Variants in SHPRH observed in about 807,000 individuals in gnomAD.
SHPRH encodes the protein SNF2 histone linker PHD RING helicase.
SHPRH carries 106 observed loss-of-function variants against 202.5 expected under a neutral mutation model. That is an observed-to-expected ratio of 0.52 (90% CI 0.45 to 0.62). The LOEUF (loss-of-function observed/expected upper bound fraction) is 0.62, where lower values mean the gene tolerates loss of function less well. Ranked by LOEUF, SHPRH falls within the 20% of genes least tolerant of loss-of-function variation. The probability of loss-of-function intolerance (pLI) is 0.00; values close to 1 mark genes in which losing one functional copy is unlikely to be tolerated. For missense variants in SHPRH, 1,710 were observed against 2,020.0 expected, an observed-to-expected ratio of 0.85 and a Z score of 2.94; for synonymous variants, 729 against 686.0, an observed-to-expected ratio of 1.06 and a Z score of -0.98.
rs1480551008 is a variant in SHPRH, at chr6:145,943,422, G to T, written c.1959C>A (p.Asn653Lys). The change falls in exon 9 of 30, where the codon AAC (asparagine) becomes AAA (lysine). Residue 653 changes from asparagine to lysine, a missense_variant. Coordinates refer to ENST00000275233, the MANE Select transcript of SHPRH (RefSeq NM_001042683.3). ...TACACTCAAAGCGGTAATCAGAGGT[G>T]TTAAAGGGACTCATGGTATTAGAAG... ...VPPSNTMSPF[N>K]TSDYRFECIC... 6.2e-7 allele frequency: 1 copy of T among 1,614,038 alleles called. No homozygotes were observed. The highest frequency in any genetic ancestry group is 1.1e-5 in the South Asian group (1 of 91,086).
intron 14 of SHPRH, among the ~76,000 whole-genome samples, chr6:145,928,614 T>A (rs1199298956): frequency 1.3e-5 from 2 of 152,002 alleles, no homozygotes; most frequent in Non-Finnish European, 2.9e-5. Context: ...ATACATATCT[T>A]GATTTTGGTA....
chr6:145,945,289 A>C (rs144720977), intron 8 of SHPRH, 92 bp downstream of exon 8: 38 of 1,390,840 alleles, frequency 2.7e-5, no homozygotes, highest in Admixed American at 2.0e-4. Flanking sequence ...TCAGATCGTA[A>C]GAGTTTCAGT....
chr6:145,943,608 T>C lies in SHPRH; in HGVS notation c.1773A>G (p.Pro591=), dbSNP rs1434793517. 3 of 1,613,812 alleles carry C rather than the reference T, an allele frequency of 1.9e-6. No homozygotes were observed. Among genetic ancestry groups the C allele is most frequent in the Non-Finnish European group, 2.5e-6 (3 of 1,179,908 alleles). ...VPSTKKGKSQ[P]FINPDSQGHC... ...GACCTTGTGAATCGGGATTGATAAATGGTTGACTTTTTCCTTTTTTTGTGG... is the reference window on the plus strand; with the variant it reads ...GACCTTGTGAATCGGGATTGATAAACGGTTGACTTTTTCCTTTTTTTGTGG... Residue 591 remains proline (P), a synonymous_variant, in exon 9 of 30, where the codon CCA becomes CCG. Transcript: ENST00000275233.
At chr6:145,895,805 C>G (rs148159043) in intron 25 of SHPRH, among the ~76,000 whole-genome samples, 17 of 152,102 alleles carry the variant, frequency 1.1e-4, no homozygotes, top group African/African-American at 4.1e-4. Context: ...GTTTCCTCAT[C>G]TATCCAATAG....
At chr6:145,916,844 G>A (rs1006229300) in intron 23 of SHPRH, among the ~76,000 whole-genome samples, 3 of 151,828 alleles carry the variant, frequency 2.0e-5, no homozygotes, top group South Asian at 4.2e-4. Flanking sequence ...GTGCAATGGC[G>A]CAATCTCAGC....
intron 24 of SHPRH, among the ~76,000 whole-genome samples, chr6:145,911,700 G>T (rs1257885048): frequency 1.3e-5 from 2 of 151,524 alleles, no homozygotes; most frequent in South Asian, 4.2e-4. Flanking sequence ...ATTTGGACAT[G>T]TATGGAAAGA....
chr6:145,893,157 T>C, intron 28 of SHPRH, 58 bp downstream of exon 28: 1 of 1,433,634 alleles, frequency 7.0e-7, no homozygotes, highest in Admixed American at 2.7e-5. Context: ...GTTTAAATAC[T>C]GATTTGGTTT....
intron 4 of SHPRH, among the ~76,000 whole-genome samples, chr6:145,949,740 AAAG>A (rs1787781132): frequency 6.6e-6 from 1 of 152,128 alleles, no homozygotes; most frequent in African/African-American, 2.4e-5. Flanking sequence ...AGACAGCAAT[AAAG>A]AAGTGGCATA....
rs1224310531 is a variant in SHPRH, at chr6:145,933,047, C to A, written c.3112+10G>T. 6.2e-7 allele frequency: 1 copy of A among 1,610,254 alleles called. No homozygotes were observed. The highest frequency in any genetic ancestry group is 1.3e-5 in the African/African-American group (1 of 74,896). On this transcript the variant is annotated intron_variant, in intron 14 of 29. Coordinates refer to ENST00000275233, the MANE Select transcript of SHPRH (RefSeq NM_001042683.3). Reference sequence around the variant, plus strand: ...TTGAAAGAATCAGAGATAAAGCAATCACCTTCTACCTTTAATAATATGAAT... The same window carrying A: ...TTGAAAGAATCAGAGATAAAGCAATAACCTTCTACCTTTAATAATATGAAT...
chr6:145,909,364 T>C (rs986125774), intron 25 of SHPRH: 3 of 152,098 alleles, frequency 2.0e-5, no homozygotes, highest in African/African-American at 7.2e-5. Context: ...ACGTGTCCAA[T>C]ATATATGTGT....
At chr6:145,913,624 T>C in intron 23 of SHPRH, 75 bp from the exon 24 acceptor site, 1 of 1,223,996 alleles carries the variant, frequency 8.2e-7, no homozygotes, top group Non-Finnish European at 1.2e-6. Flanking sequence ...TTGCAACTCA[T>C]TTATGGAAGT....
chr6:145,917,397 C>T (rs1009993389), intron 23 of SHPRH: 2 of 152,106 alleles, frequency 1.3e-5, no homozygotes, highest in African/African-American at 4.8e-5. Flanking sequence ...GTTCCAAAGT[C>T]TACCTTCTTA....
chr6:145,948,414 A>T (rs1255035909), intron 4 of SHPRH, 64 bp from the exon 5 acceptor site: 1 of 1,270,686 alleles, frequency 7.9e-7, no homozygotes, highest in Non-Finnish European at 1.1e-6. Context: ...AATCACATTA[A>T]AAAAAGAATA....
At chr6:145,879,263 T>C (rs1378771121) in intron 2 of SHPRH, among the ~76,000 whole-genome samples, 1 of 152,106 alleles carries the variant, frequency 6.6e-6, no homozygotes, top group African/African-American at 2.4e-5. Context: ...CTTTGATACA[T>C]TTTAAAAAAG....
chr6:145,859,597 A>G (rs1169213561), downstream of SHPRH, among the ~76,000 whole-genome samples: 1 of 152,086 alleles, frequency 6.6e-6, no homozygotes, highest in Admixed American at 6.5e-5. Flanking sequence ...AAGAAATAAA[A>G]CAGCAACCAT....
chr6:145,919,096 G>A (rs193085585), intron 22 of SHPRH: 2 of 371,594 alleles, frequency 5.4e-6, no homozygotes, highest in South Asian at 1.0e-4. Context: ...CTCAAAAACA[G>A]ATGAATGCGC....
At chr6:145,934,650 G>T in intron 13 of SHPRH, among the ~76,000 whole-genome samples, 1 of 151,304 alleles carries the variant, frequency 6.6e-6, no homozygotes, top group South Asian at 2.1e-4. Context: ...GGGAAAGAGT[G>T]AGACCCCGTC....
At chr6:145,927,124 TC>T in intron 15 of SHPRH, 64 bp downstream of exon 15, 2 of 1,428,180 alleles carry the variant, frequency 1.4e-6, no homozygotes, top group Non-Finnish European at 1.9e-6. Flanking sequence ...TCTTAAACAT[TC>T]AGAAAAATTA....
intron 14 of SHPRH, among the ~76,000 whole-genome samples, chr6:145,927,630 G>C (rs1785000518): frequency 2.0e-5 from 3 of 151,624 alleles, no homozygotes; most frequent in Admixed American, 2.0e-4. Context: ...TTAAAAGGTG[G>C]CAATCAGTAG....
Sources: gnomAD v4.1 joint callset for allele counts (sites outside exome capture counted in the v4.1 genomes callset) on GRCh38, gnomAD v4.1.1 for gene constraint, MANE v1.5 for transcripts, NCBI Gene and HGNC (gene_info 2026-07-23, HGNC 2026-07-21) for gene names.